The following IGSF9B variants were observed in gnomAD, a reference collection of about 807,000 sequenced individuals.
IGSF9B encodes the protein immunoglobulin superfamily member 9B, also known as protein turtle homolog B.
A neutral mutation model predicts 143.7 loss-of-function variants in IGSF9B; 48 were observed. The observed-to-expected ratio is 0.33, with a 90% CI of 0.26 to 0.42. The LOEUF is 0.42. Ranked by LOEUF, IGSF9B falls within the 20% of genes least tolerant of loss-of-function variation. IGSF9B has a pLI of 1.00. For synonymous variants in IGSF9B, 903 were observed against 833.1 expected, an observed-to-expected ratio of 1.08 and a Z score of -1.44; for missense variants, 1,706 against 1,980.0, an observed-to-expected ratio of 0.86 and a Z score of 2.63.
chr11:133,922,287 T>G (rs958560291), intron 16 of IGSF9B, 65 bp from the exon 17 acceptor site: 4 of 1,370,698 alleles, frequency 2.9e-6, no homozygotes, highest in Non-Finnish European at 3.1e-6. Context: ...CACGCGCATC[T>G]GCAGAGGCTG....
In IGSF9B at chr11:133,903,734, T is replaced by A. The variant is rs1334158224; in HGVS notation, c.*5335A>T. Among the ~76,000 whole-genome samples the A allele has an allele frequency of 6.6e-6, 1 of 152,166 alleles. No homozygotes were observed. The highest frequency in any genetic ancestry group is 1.5e-5 in the Non-Finnish European group (1 of 68,044). On this transcript the variant is annotated 3_prime_UTR_variant, in exon 20 of 20. Coordinates refer to ENST00000533871, the MANE Select transcript of IGSF9B (RefSeq NM_001277285.4). ...CACACAGAACATCTGGTGGGGTTAT[T>A]ATACTTGCTCCTGAAAGAAGGTTTT...
At chr11:133,956,669 G>T in intron 1 of IGSF9B, 22 bp downstream of exon 1, 1 of 1,517,344 alleles carries the variant, frequency 6.6e-7, no homozygotes, top group Non-Finnish European at 8.9e-7. Context: ...GGGCAGGGGA[G>T]GGACGCCGCA....
At chr11:133,939,803 C>T (rs571107453) in intron 3 of IGSF9B, among the ~76,000 whole-genome samples, 44 of 151,674 alleles carry the variant, frequency 2.9e-4, no homozygotes, top group African/African-American at 9.9e-4. Flanking sequence ...CACGCGTCAT[C>T]GCATGCAGAA....
chr11:133,922,819 C>A (rs1045357062), intron 15 of IGSF9B, 89 bp from the exon 16 acceptor site: 2 of 1,276,602 alleles, frequency 1.6e-6, no homozygotes, highest in Admixed American at 4.4e-5. Flanking sequence ...TTTCACCCTG[C>A]CTTTGTAGAA....
Position 133,925,440 on chromosome 11 carries a change from T to C in IGSF9B, c.2034+299A>G, listed in dbSNP as rs1196829463. ...TAGGCTCAGCAAGGGCTGGGGTCAG[T>C]GCTCTGATTACGCCTGCTGGCCTCT... On this transcript the variant is annotated intron_variant, in intron 14 of 19. Coordinates refer to ENST00000533871, the MANE Select transcript of IGSF9B (RefSeq NM_001277285.4). Among the ~76,000 whole-genome samples, 6 of 152,300 alleles carry C rather than the reference T, an allele frequency of 3.9e-5. No homozygotes were observed. The East Asian group carries it at 9.7e-4, about 25-fold the overall frequency.
intron 7 of IGSF9B, among the ~76,000 whole-genome samples, chr11:133,932,801 CAG>C (rs745700448): frequency 2.1e-4 from 6 of 28,134 alleles, no homozygotes; most frequent in Admixed American, 3.0e-4. Flanking sequence ...GGAGAGCAGA[CAG>C]AGACAGACAC....
In IGSF9B at chr11:133,907,957, A is replaced by G. The variant is rs955636708; in HGVS notation, c.*1112T>C. Among the ~76,000 whole-genome samples, 1 of 152,224 alleles carries G rather than the reference A, an allele frequency of 6.6e-6. No individual in the cohort carries two copies. Among genetic ancestry groups the G allele is most frequent in the Non-Finnish European group, 1.5e-5 (1 of 68,040 alleles). On this transcript the variant is annotated 3_prime_UTR_variant, in exon 20 of 20. Coordinates refer to ENST00000533871, the MANE Select transcript of IGSF9B (RefSeq NM_001277285.4). The stretch of plus-strand genomic sequence containing the variant: ...GCTCCGCACAAGTGGTAATTAATCA[A>G]TCTGGAGAATTAGCTCCCACAAAAG...
chr11:133,908,700 G>T lies in IGSF9B; in HGVS notation c.*369C>A. 1 of 214,644 alleles carries T rather than the reference G, an allele frequency of 4.7e-6. No individual in the cohort carries two copies. Among genetic ancestry groups the T allele is most frequent in the Non-Finnish European group, 9.4e-6 (1 of 106,304 alleles). The allele number at this position is 214,644 out of a possible 1,614,324, so 13.3% of individuals were successfully genotyped here. On this transcript the variant is annotated 3_prime_UTR_variant, in exon 20 of 20. Transcript: ENST00000533871. ...GACATTAAGTCCAGCCTTCTTCCAG[G>T]ACTTGAAAAACTGAAACAGAAGCAG...
At chr11:133,919,132 G>GGGT in intron 18 of IGSF9B, 1 of 377,750 alleles carries the variant, frequency 2.6e-6, no homozygotes, top group Admixed American at 3.0e-5. Context: ...GGGGGGGTGG[G>GGGT]GGACGTGTCC....
intron 1 of IGSF9B, among the ~76,000 whole-genome samples, chr11:133,951,515 C>T (rs1940158810): frequency 6.6e-6 from 1 of 152,364 alleles, no homozygotes; most frequent in Admixed American, 6.5e-5. Flanking sequence ...CGGCTGGGCT[C>T]CCCCAGCAGC....
At chr11:133,943,358 TCTC>T (rs796454910) in intron 3 of IGSF9B, among the ~76,000 whole-genome samples, 4 of 152,166 alleles carry the variant, frequency 2.6e-5, no homozygotes, top group African/African-American at 9.6e-5. Context: ...GGGGACCACT[TCTC>T]CTTCATCTTT....
chr11:133,955,233 T>C (rs1354124930), intron 1 of IGSF9B, among the ~76,000 whole-genome samples: 6 of 152,172 alleles, frequency 3.9e-5, no homozygotes, highest in African/African-American at 1.4e-4. Flanking sequence ...GCACCTCACA[T>C]CCACCCCCCG....
In IGSF9B at chr11:133,924,903, T is replaced by C; in HGVS notation, c.2036A>G (p.Asp679Gly). 1.2e-6 allele frequency: 2 copies of C among 1,613,456 alleles called. No individual in the cohort carries two copies. The highest frequency in any genetic ancestry group is 1.7e-6 in the Non-Finnish European group (2 of 1,179,770). ...GEFFAKDLSQ[D>G]TWYEFRVLAV... ...CAGAACCCGGAACTCATACCACGTG[T>C]CCTGCAGCCCCAGGGACAATACCCA... is the stretch of plus-strand genomic sequence containing the variant. Residue 679 changes from aspartate to glycine, a missense_variant and splice_region_variant, in exon 15 of 20, where the codon GAC (aspartate) becomes GGC (glycine). By Grantham distance (94) the Asp-to-Gly change is moderately conservative (BLOSUM62 -1). Around this residue, in one of 7 missense-constraint regions of IGSF9B, gnomAD observed 267 missense variants for 321.1 expected, o/e 0.83. Transcript: ENST00000533871.
rs930216653 is a variant in IGSF9B at position 133,925,635 on chromosome 11, G to A, written c.2034+104C>T. ...TGGTGAGGAGGTACAGGATGTGGCT[G>A]GCCTCACACACCCAAAGTTGGTCAC... On this transcript the variant is annotated intron_variant, in intron 14 of 19. Coordinates refer to ENST00000533871, the MANE Select transcript of IGSF9B (RefSeq NM_001277285.4). 3 of 814,564 alleles carry A rather than the reference G, an allele frequency of 3.7e-6. No homozygotes were observed. The African/African-American group carries it at 5.1e-5, about 14-fold the overall frequency. 50.5% of individuals were successfully genotyped at this position (814,564 alleles called of 1,614,324 possible). A position where few individuals can be genotyped will look rare whatever the true frequency, so the allele number is the denominator to read the frequency against.
At chr11:133,929,590 AC>A (rs1939686904) in intron 12 of IGSF9B, 80 bp downstream of exon 12, 2 of 1,041,882 alleles carry the variant, frequency 1.9e-6, no homozygotes, top group Non-Finnish European at 3.0e-6. Context: ...ACCTCCCCCC[AC>A]CCGGGGTAGC....
chr11:133,919,644 C>T, intron 18 of IGSF9B, 98 bp downstream of exon 18: 1 of 801,240 alleles, frequency 1.2e-6, no homozygotes, highest in Non-Finnish European at 1.8e-6. Flanking sequence ...CCGCACGAGC[C>T]CTGTCGCCGG....
chr11:133,921,354 G>A lies in IGSF9B; in HGVS notation c.2371C>T (p.Arg791Ter), dbSNP rs1251265858. 6 of 1,571,976 alleles carry A rather than the reference G, an allele frequency of 3.8e-6. No individual in the cohort carries two copies. The highest frequency in any genetic ancestry group is 2.3e-5 in the East Asian group (1 of 44,380). The part of the protein sequence containing the change: ...KVSPESIRTL[R>*]APSESSDDQG... ...TCGTCGGAGGATTCTGACGGCGCTC[G>A]GAGCGTGCGGATGCTCTCGGGGCTC... The change falls in exon 18 of 20, where the codon CGA becomes TGA. Residue 791 changes from arginine (R) to a stop codon, truncating the protein, a stop_gained. Transcript: ENST00000533871. LOFTEE classifies it high-confidence loss of function.
At position 133,905,608 on chromosome 11, in the gene IGSF9B, A is replaced by G. The variant is rs1221594800; in HGVS notation, c.*3461T>C. ...CCGGCTTCAGTCTTCCCCCAAGCGC[A>G]TGGTTGTGGGACTAAGCACCTCAAA... On this transcript the variant is annotated 3_prime_UTR_variant, in exon 20 of 20. Transcript: ENST00000533871. This position sits in a 1 kb window ranked among gnomAD's most constrained non-coding sequence, Gnocchi z 4.0. Among the ~76,000 whole-genome samples the G allele has an allele frequency of 2.6e-5, 4 of 152,214 alleles. No homozygotes were observed. Among genetic ancestry groups the G allele is most frequent in the African/African-American group, 7.2e-5 (3 of 41,458 alleles).
intron 18 of IGSF9B, among the ~76,000 whole-genome samples, chr11:133,915,527 C>T (rs551368785): frequency 5.9e-4 from 90 of 151,994 alleles, no homozygotes; most frequent in Non-Finnish European, 4.4e-4. Context: ...CTCTGGGCCA[C>T]GGCACCCAGC....
Sources: allele counts gnomAD v4.1 joint callset (sites outside exome capture counted in the v4.1 genomes callset), GRCh38; gene constraint gnomAD v4.1.1; regional missense constraint gnomAD v4.1.1; non-coding constraint Gnocchi (gnomAD v3.1); transcripts MANE v1.5; gene names NCBI Gene and HGNC (gene_info 2026-07-23, HGNC 2026-07-21).